CHGA: variants seen among roughly 807,000 people sequenced by gnomAD.
The protein encoded by CHGA is chromogranin-A.
In CHGA, 41 loss-of-function variants were observed where a neutral mutation model predicts 54.4. The ratio of observed to expected loss-of-function variants is 0.75; its 90% CI spans 0.59 to 0.98. The LOEUF is 0.98. CHGA is among the 50% of genes least tolerant of loss of function. The probability of loss-of-function intolerance (pLI) is 0.00; values close to 1 mark genes in which losing one functional copy is unlikely to be tolerated. For missense variants in CHGA, 576 were observed against 582.3 expected, an observed-to-expected ratio of 0.99 and a Z score of 0.11; for synonymous variants, 249 against 232.8, an observed-to-expected ratio of 1.07 and a Z score of -0.63.
chr14:92,931,292 G>A lies in CHGA; in HGVS notation c.398G>A (p.Arg133Lys). The change falls in exon 6 of 8, where the codon AGA becomes AAA. Residue 133 changes from arginine (R) to lysine (K), a missense_variant. Transcript: ENST00000216492. ...TCATCCAAGGATGTTATGGAGAAAA[G>A]AGAGGATTCCAAGGAGGCAGAGAAA... ...EPSSKDVMEK[R>K]EDSKEAEKSG... 1.2e-6 allele frequency: 2 copies of A among 1,613,658 alleles called. No individual in the cohort carries two copies. Among genetic ancestry groups the A allele is most frequent in the Non-Finnish European group, 1.7e-6 (2 of 1,179,922 alleles).
chr14:92,929,966 G>A, intron 5 of CHGA, 151 bp downstream of exon 5: 1 of 667,354 alleles, frequency 1.5e-6, no homozygotes, highest in Non-Finnish European at 2.6e-6. Flanking sequence ...GCTGCTCAGA[G>A]AGACTAGGTC....
rs527639295 is a variant in CHGA, at chr14:92,926,680, T to C, written c.169T>C (p.Phe57Leu). 2 of 1,613,946 alleles carry C rather than the reference T, an allele frequency of 1.2e-6. No individual in the cohort carries two copies. The highest frequency in any genetic ancestry group is 1.3e-5 in the African/African-American group (1 of 75,026). ...PSPMPVSQEC[F>L]ETLRGDERIL... ...CCCCATGCCTGTCAGCCAGGAATGT[T>C]TTGAGACACTCCGAGGAGGTATGAG... The change falls in exon 3 of 8, where the codon TTT (phenylalanine) becomes CTT (leucine). Residue 57 changes from phenylalanine to leucine, a missense_variant. Phe to Leu is a conservative substitution (Grantham distance 22, BLOSUM62 0). Coordinates refer to ENST00000216492, the MANE Select transcript of CHGA (RefSeq NM_001275.4).
rs1399741955 is a variant in CHGA, at chr14:92,932,455, G to A, written c.894G>A (p.Glu298=). 4 of 1,559,670 alleles carry A rather than the reference G, an allele frequency of 2.6e-6. No individual in the cohort carries two copies. The highest frequency in any genetic ancestry group is 2.4e-5 in the East Asian group (1 of 42,142). The change falls in exon 7 of 8, where the codon GAG becomes GAA. Residue 298 remains glutamate (E), a synonymous_variant. Transcript: ENST00000216492. This position sits in a 1 kb window ranked among gnomAD's most constrained non-coding sequence, Gnocchi z 5.3. The part of the protein sequence containing the change: ...AQDPEGKGEQ[E]HSQQKEEEEE... ...ACCCCGAAGGGAAGGGAGAACAGGA[G>A]CACTCCCAGCAGAAAGAGGAGGAGG...
At chr14:92,930,931 C>A (rs188260944) in intron 5 of CHGA, among the ~76,000 whole-genome samples, 130 of 152,348 alleles carry the variant, frequency 8.5e-4, no homozygotes, top group African/African-American at 3.0e-3. Flanking sequence ...AGAGGTTAAG[C>A]AACTTGCCCA....
chr14:92,923,632 C>T (rs539904574), intron 1 of CHGA, among the ~76,000 whole-genome samples: 2 of 152,342 alleles, frequency 1.3e-5, no homozygotes, highest in South Asian at 2.1e-4. Flanking sequence ...GGGCAACTCC[C>T]CCTTGTGCCC....
chr14:92,935,041 T>A lies in CHGA; in HGVS notation c.*157T>A. On this transcript the variant is annotated 3_prime_UTR_variant, in exon 8 of 8. Transcript: ENST00000216492. ...GCCACCCTATCGCCCCCTACGCGCC[T>A]TGTCTCCTACTCCTGACTCCTACCT... is the stretch of plus-strand genomic sequence containing the variant. 1 of 581,882 alleles carries A rather than the reference T, an allele frequency of 1.7e-6. No homozygotes were observed. The highest frequency in any genetic ancestry group is 2.9e-6 in the Non-Finnish European group (1 of 342,318). The allele number at this position is 581,882 out of a possible 1,614,324, so 36.0% of individuals were successfully genotyped here.
Position 92,923,243 on chromosome 14 carries a change from C to A in CHGA, c.-117C>A, listed in dbSNP as rs374244191. ...ACGGACGCACGCCGAGGCACTGCGC[C>A]CCCAGCCCCGCGCCGGTGCCACCGC... On this transcript the variant is annotated 5_prime_UTR_variant, in exon 1 of 8. Coordinates refer to ENST00000216492, the MANE Select transcript of CHGA (RefSeq NM_001275.4). The A allele has an allele frequency of 6.3e-5, 61 of 962,220 alleles. No individual in the cohort carries two copies. The highest frequency in any genetic ancestry group is 3.6e-4 in the Admixed American group (8 of 22,114). 59.6% of individuals were successfully genotyped at this position (962,220 alleles called of 1,614,324 possible).
At chr14:92,928,964 G>A (rs544228375) in intron 4 of CHGA, among the ~76,000 whole-genome samples, 3 of 152,322 alleles carry the variant, frequency 2.0e-5, no homozygotes, top group African/African-American at 7.2e-5. Flanking sequence ...GCCAGAAGGG[G>A]ACTGGAACCC....
Position 92,933,727 on chromosome 14 carries a change from C to A in CHGA, c.1290+876C>A, listed in dbSNP as rs1025824413. Among the ~76,000 whole-genome samples the A allele has an allele frequency of 6.6e-5, 10 of 152,264 alleles. No homozygotes were observed. The East Asian group carries it at 1.9e-3, about 29-fold the overall frequency. ...GCCTGGCAGTCTGAGAGGAAGAAGG[C>A]TCCATGTTGGCAGCTGTAGCGGGAG... On this transcript the variant is annotated intron_variant, in intron 7 of 7. Coordinates refer to ENST00000216492, the MANE Select transcript of CHGA (RefSeq NM_001275.4).
chr14:92,924,239 T>A lies in CHGA; in HGVS notation c.87T>A (p.Asp29Glu). ...TGAACAGCCCTATGAATAAAGGGGA[T>A]ACCGAGGTAAGAAGGGGTGCTGGGG... ...LPVNSPMNKG[D>E]TEVMKCIVEV... The change falls in exon 2 of 8, where the codon GAT (aspartate) becomes GAA (glutamate). Residue 29 changes from aspartate (D) to glutamate (E), a missense_variant. Coordinates refer to ENST00000216492, the MANE Select transcript of CHGA (RefSeq NM_001275.4). 1 of 1,612,084 alleles carries A rather than the reference T, an allele frequency of 6.2e-7. No individual in the cohort carries two copies. Among genetic ancestry groups the A allele is most frequent in the South Asian group, 1.1e-5 (1 of 90,380 alleles).
In CHGA at chr14:92,926,408, G is replaced by A. The variant is rs1034276529; in HGVS notation, c.94-197G>A. ...GAGTGGCTGACACATGGTAAGCACT[G>A]TGTTAAGGGTTTTCTATTATCATTG... On this transcript the variant is annotated intron_variant, in intron 2 of 7. Transcript: ENST00000216492. 3 of 603,384 alleles carry A rather than the reference G, an allele frequency of 5.0e-6. No individual in the cohort carries two copies. The East Asian group carries it at 8.3e-5, about 17-fold the overall frequency. The allele number at this position is 603,384 out of a possible 1,614,324, so 37.4% of individuals were successfully genotyped here. A position where few individuals can be genotyped will look rare whatever the true frequency, so the allele number is the denominator to read the frequency against.
intron 2 of CHGA, among the ~76,000 whole-genome samples, chr14:92,925,729 T>C (rs1303653501): frequency 6.6e-6 from 1 of 152,178 alleles, no homozygotes; most frequent in African/African-American, 2.4e-5. Context: ...CACTCCATGC[T>C]TGAAAGAGTG....
chr14:92,926,670 C>A lies in CHGA; in HGVS notation c.159C>A (p.Ser53Arg). Reference sequence around the variant, plus strand: ...CCAAGCCCAGCCCCATGCCTGTCAGCCAGGAATGTTTTGAGACACTCCGAG... The same window carrying A: ...CCAAGCCCAGCCCCATGCCTGTCAGACAGGAATGTTTTGAGACACTCCGAG... Reference protein sequence around the residue: ...TLSKPSPMPVSQECFETLRGD... With the variant: ...TLSKPSPMPVRQECFETLRGD... Residue 53 changes from serine (S) to arginine (R), a missense_variant, in exon 3 of 8, where the codon AGC (serine) becomes AGA (arginine). Coordinates refer to ENST00000216492, the MANE Select transcript of CHGA (RefSeq NM_001275.4). 1 of 1,613,982 alleles carries A rather than the reference C, an allele frequency of 6.2e-7. No individual in the cohort carries two copies. The highest frequency in any genetic ancestry group is 8.5e-7 in the Non-Finnish European group (1 of 1,180,014).
intron 6 of CHGA, 54 bp downstream of exon 6, chr14:92,931,756 G>A: frequency 1.3e-6 from 2 of 1,497,176 alleles, no homozygotes. Flanking sequence ...GGGGATGGGT[G>A]GGAGGAGAGC....
intron 2 of CHGA, 73 bp downstream of exon 2, chr14:92,924,318 CA>C (rs375900733): frequency 3.5e-5 from 52 of 1,472,250 alleles, no homozygotes; most frequent in African/African-American, 2.3e-4. Context: ...TGGGCAGCTG[CA>C]GGAGTAAGTT....
At chr14:92,923,812 C>T (rs1006383177) in intron 1 of CHGA, among the ~76,000 whole-genome samples, 1 of 152,168 alleles carries the variant, frequency 6.6e-6, no homozygotes, top group Non-Finnish European at 1.5e-5. Flanking sequence ...TCTACTTCTC[C>T]ATATCATCCC....
rs1887013860 is a variant in CHGA, at chr14:92,932,195, C to G, written c.809-175C>G. The G allele has an allele frequency of 1.1e-6, 1 of 870,242 alleles. No individual in the cohort carries two copies. Among genetic ancestry groups the G allele is most frequent in the Non-Finnish European group, 1.7e-6 (1 of 593,260 alleles). 53.9% of individuals were successfully genotyped at this position (870,242 alleles called of 1,614,324 possible). A position where few individuals can be genotyped will look rare whatever the true frequency, so the allele number is the denominator to read the frequency against. ...GAGGCAGGCTCCAGCTAACCCACCC[C>G]TCTGAGCCGAGAGGGTCTTGCAAAG... On this transcript the variant is annotated intron_variant, in intron 6 of 7. Coordinates refer to ENST00000216492, the MANE Select transcript of CHGA (RefSeq NM_001275.4). This position sits in a 1 kb window ranked among gnomAD's most constrained non-coding sequence, Gnocchi z 5.3.
chr14:92,932,987 A>G lies in CHGA; in HGVS notation c.1290+136A>G. 1 of 1,328,038 alleles carries G rather than the reference A, an allele frequency of 7.5e-7. No individual in the cohort carries two copies. The highest frequency in any genetic ancestry group is 1.0e-6 in the Non-Finnish European group (1 of 1,003,800). The allele number at this position is 1,328,038 out of a possible 1,614,324, so 82.3% of individuals were successfully genotyped here. On this transcript the variant is annotated intron_variant, in intron 7 of 7. Transcript: ENST00000216492. This position sits in a 1 kb window ranked among gnomAD's most constrained non-coding sequence, Gnocchi z 5.3. ...AGTCTGGGGATGGAGAGATGCTCAGACCGGGGGCTCTCAGGGTGGGAGAAC... is the reference window on the plus strand; with the variant it reads ...AGTCTGGGGATGGAGAGATGCTCAGGCCGGGGGCTCTCAGGGTGGGAGAAC...
intron 7 of CHGA, among the ~76,000 whole-genome samples, 150 bp from the exon 8 acceptor site, chr14:92,934,642 ACAGTAAGCT>A (rs1887080812): frequency 6.6e-6 from 1 of 152,170 alleles, no homozygotes; most frequent in African/African-American, 2.4e-5. Context: ...CGAGAGCAGT[ACAGTAAGCT>A]CATTATCACT....
Sources: allele counts gnomAD v4.1 joint callset (sites outside exome capture counted in the v4.1 genomes callset), GRCh38; gene constraint gnomAD v4.1.1; non-coding constraint Gnocchi (gnomAD v3.1); transcripts MANE v1.5; gene names NCBI Gene and HGNC (gene_info 2026-07-23, HGNC 2026-07-21).